Variants in UGT2B17 observed in about 807,000 individuals in gnomAD.
The protein encoded by UGT2B17 is UDP-glucuronosyltransferase 2B17.
UGT2B17 carries 21 observed loss-of-function variants against 48.2 expected under a neutral mutation model. That is an observed-to-expected ratio of 0.44 (90% CI 0.31 to 0.63). The LOEUF is 0.63. Among genes scored for constraint, UGT2B17 ranks in the 20% least tolerant of loss-of-function variants. The pLI is 0.08. For missense variants in UGT2B17, 402 were observed against 696.1 expected, an observed-to-expected ratio of 0.58 and a Z score of 4.75; for synonymous variants, 146 against 238.4, an observed-to-expected ratio of 0.61 and a Z score of 3.57.
At chr4:68,563,817 A>G (rs1731145709) in intron 3 of UGT2B17, among the ~76,000 whole-genome samples, 1 of 125,758 alleles carries the variant, frequency 8.0e-6, no homozygotes. Context: ...CCAAACTTAA[A>G]CATTTATATT....
At chr4:68,572,992 T>A (rs1731318049) in intron 1 of UGT2B17, among the ~76,000 whole-genome samples, 1 of 127,298 alleles carries the variant, frequency 7.9e-6, no homozygotes, top group African/African-American at 2.7e-5. Flanking sequence ...GCTTAGGGTG[T>A]TGCAAACTTC....
chr4:68,557,246 T>A lies in UGT2B17; in HGVS notation c.1005+3291A>T, dbSNP rs1180220843. Among the ~76,000 whole-genome samples, 7 of 125,234 alleles carry A rather than the reference T, an allele frequency of 5.6e-5. 1 individual carries two copies. Among genetic ancestry groups the A allele is most frequent in the Non-Finnish European group, 1.2e-4 (7 of 59,160 alleles). The allele number at this position is 125,234 out of a possible 152,430, so 82.2% of individuals were successfully genotyped here. On this transcript the variant is annotated intron_variant, in intron 4 of 6. Coordinates refer to ENST00000317746, the MANE Select transcript of UGT2B17 (RefSeq NM_001077.4). ...TCTTTGACTGAGGCTGCCCTAAAAC[T>A]TTTTGTCATCCACAGACAATTGTTG...
chr4:68,558,517 C>T (rs1731045276), intron 4 of UGT2B17, among the ~76,000 whole-genome samples: 1 of 126,484 alleles, frequency 7.9e-6, no homozygotes, highest in Admixed American at 8.1e-5. Context: ...GATTTATGGA[C>T]TTCAGAGTAA....
In UGT2B17 at chr4:68,551,317, AT is replaced by A. The variant is rs905072428; in HGVS notation, c.1094-422del. ...TAGTTAAAATATTTAAAATACTTAA[AT>A]TTTTTTTTAAAGGCAGCAAGGAGTA... On this transcript the variant is annotated intron_variant, in intron 5 of 6. Coordinates refer to ENST00000317746, the MANE Select transcript of UGT2B17 (RefSeq NM_001077.4). Among the ~76,000 whole-genome samples the A allele has an allele frequency of 2.0e-3, 245 of 124,436 alleles. 44 individuals carry two copies. Among genetic ancestry groups the A allele is most frequent in the African/African-American group, 6.3e-3 (230 of 36,778 alleles). The allele number at this position is 124,436 out of a possible 152,430, so 81.6% of individuals were successfully genotyped here. A position where few individuals can be genotyped will look rare whatever the true frequency, so the allele number is the denominator to read the frequency against.
rs947351743 is a variant in UGT2B17, at chr4:68,568,168, A to C, written c.317T>G (p.Phe106Cys). 10 of 1,380,404 alleles carry C rather than the reference A, an allele frequency of 7.2e-6. 3 individuals carry two copies. In the African/African-American group the frequency reaches 1.5e-4, roughly 20 times the overall value. The allele number at this position is 1,380,404 out of a possible 1,614,324, so 85.5% of individuals were successfully genotyped here. A position where few individuals can be genotyped will look rare whatever the true frequency, so the allele number is the denominator to read the frequency against. Residue 106 changes from phenylalanine (F) to cysteine (C), a missense_variant, in exon 2 of 7, where the codon TTT (phenylalanine) becomes TGT (cysteine). Phe to Cys is a radical substitution (Grantham distance 205). Around this residue, in one of 5 missense-constraint regions of UGT2B17, gnomAD observed 84 missense variants for 92.6 expected, o/e 0.91. Coordinates refer to ENST00000317746, the MANE Select transcript of UGT2B17 (RefSeq NM_001077.4). The stretch of plus-strand genomic sequence containing the variant: ...TTGTAGTTGTGAAAAATATGACCAA[A>C]ATGTATTTTTTGAAATACTATATGT... ...RWTYSISKNT[F>C]WSYFSQLQEL...
chr4:68,575,297 T>A (rs957596926), intron 1 of UGT2B17, among the ~76,000 whole-genome samples: 2 of 120,082 alleles, frequency 1.7e-5, no homozygotes, highest in African/African-American at 2.9e-5. Context: ...TAAAACCAGC[T>A]GTAACTGTCT....
intron 6 of UGT2B17, among the ~76,000 whole-genome samples, chr4:68,538,775 C>T (rs1217553635): frequency 7.9e-6 from 1 of 126,084 alleles, no homozygotes; most frequent in Non-Finnish European, 1.7e-5. Context: ...ACACAGACAC[C>T]TACTTGTCCT....
rs990241008 is a variant in UGT2B17, at chr4:68,562,813, T to A, written c.874-2145A>T. Among the ~76,000 whole-genome samples the A allele has an allele frequency of 7.1e-5, 9 of 126,492 alleles. 2 individuals are homozygous for A. The highest frequency in any genetic ancestry group is 1.5e-4 in the Non-Finnish European group (9 of 59,662). The allele number at this position is 126,492 out of a possible 152,430, so 83.0% of individuals were successfully genotyped here. A position where few individuals can be genotyped will look rare whatever the true frequency, so the allele number is the denominator to read the frequency against. ...ACATATGTGATGTTTATTTAGAAAA[T>A]TTTTTCTCATTGTATATGCCTTTTT... On this transcript the variant is annotated intron_variant, in intron 3 of 6. Transcript: ENST00000317746.
rs1277688229 is a variant in UGT2B17 at position 68,559,210 on chromosome 4, A to G, written c.1005+1327T>C. 3.2e-5 allele frequency among the ~76,000 whole-genome samples: 4 copies of G among 125,352 alleles called. 1 individual carries two copies. The highest frequency in any genetic ancestry group is 1.1e-4 in the African/African-American group (4 of 36,768). 82.2% of individuals were successfully genotyped at this position (125,352 alleles called of 152,430 possible). ...TAAGTTATTTTATGAATTTGACATC[A>G]TTGATTACAAAAGACTAAATACTTA... is the stretch of plus-strand genomic sequence containing the variant. On this transcript the variant is annotated intron_variant, in intron 4 of 6. Transcript: ENST00000317746.
intron 6 of UGT2B17, among the ~76,000 whole-genome samples, chr4:68,539,036 T>G (rs71615060): frequency 0.33 from 41,508 of 125,488 alleles, 13,502 homozygotes; most frequent in Admixed American, 0.43. Context: ...ACTGCTTCGT[T>G]CTTATTTTGC....
chr4:68,564,585 G>A lies in UGT2B17; in HGVS notation c.873+987C>T, dbSNP rs1263171606. Among the ~76,000 whole-genome samples the A allele has an allele frequency of 4.0e-5, 5 of 124,762 alleles. 2 individuals are homozygous for A. Among genetic ancestry groups the A allele is most frequent in the Admixed American group, 2.5e-4 (3 of 12,090 alleles). The allele number at this position is 124,762 out of a possible 152,430, so 81.8% of individuals were successfully genotyped here. ...ATTACAGGTGTAAGCCACCACGCCCGGCCCATCATTGACTTTTACTCAACC... is the reference window on the plus strand; with the variant it reads ...ATTACAGGTGTAAGCCACCACGCCCAGCCCATCATTGACTTTTACTCAACC... On this transcript the variant is annotated intron_variant, in intron 3 of 6. Transcript: ENST00000317746.
intron 6 of UGT2B17, among the ~76,000 whole-genome samples, chr4:68,538,955 G>A (rs1483208784): frequency 8.0e-6 from 1 of 125,238 alleles, no homozygotes; most frequent in Non-Finnish European, 1.7e-5. Flanking sequence ...TCTTTTTGAG[G>A]CTTCCCCTTA....
In UGT2B17 at chr4:68,568,169, ATGTATTT is replaced by A; in HGVS notation, c.309_315del (p.Lys103AsnfsTer21). On this transcript the variant is annotated frameshift_variant, in exon 2 of 7. Transcript: ENST00000317746. LOFTEE classifies it high-confidence loss of function. ...TGTAGTTGTGAAAAATATGACCAAAATGTATTTTTTGAAATACTATATGTCCATCTAT... is the reference window on the plus strand; with the variant it reads ...TGTAGTTGTGAAAAATATGACCAAAATTTGAAATACTATATGTCCATCTAT... The A allele has an allele frequency of 2.2e-6, 3 of 1,380,290 alleles. 1 individual carries two copies. In the South Asian group the frequency reaches 4.8e-5, roughly 22 times the overall value. 85.5% of individuals were successfully genotyped at this position (1,380,290 alleles called of 1,614,324 possible).
At chr4:68,564,495 G>A (rs1731162966) in intron 3 of UGT2B17, among the ~76,000 whole-genome samples, 1 of 120,820 alleles carries the variant, frequency 8.3e-6, no homozygotes, top group Admixed American at 8.6e-5. Context: ...CACCATGCTG[G>A]CCAGTCTGGT....
At chr4:68,553,775 C>T (rs1276779834) in intron 4 of UGT2B17, among the ~76,000 whole-genome samples, 1 of 122,376 alleles carries the variant, frequency 8.2e-6, no homozygotes, top group Non-Finnish European at 1.7e-5. Flanking sequence ...AAAGGGTCTC[C>T]TCTATTGTTT....
chr4:68,571,497 A>AAG (rs2109780144), intron 1 of UGT2B17, among the ~76,000 whole-genome samples: 1 of 126,810 alleles, frequency 7.9e-6, no homozygotes. Context: ...TTGGAACTCC[A>AAG]CCATGTGACT....
intron 6 of UGT2B17, among the ~76,000 whole-genome samples, chr4:68,549,430 T>C (rs187535515): frequency 8.1e-6 from 1 of 124,166 alleles, no homozygotes; most frequent in Admixed American, 8.3e-5. Context: ...ATCTATAACA[T>C]ATTAATAATT....
rs753724397 is a variant in UGT2B17 at position 68,551,897 on chromosome 4, A to G, written c.1020T>C (p.Phe340=). ...CTAAAGTATTTGGCTTCTTGCCATCAAATCTCCATAGAACCTGTTAGGGCA... is the reference window on the plus strand; with the variant it reads ...CTAAAGTATTTGGCTTCTTGCCATCGAATCTCCATAGAACCTGTTAGGGCA... ...AQIPQKVLWR[F]DGKKPNTLGS... is the part of the protein sequence containing the mutation. The change falls in exon 5 of 7, where the codon TTT becomes TTC. Residue 340 remains phenylalanine, a synonymous_variant. Coordinates refer to ENST00000317746, the MANE Select transcript of UGT2B17 (RefSeq NM_001077.4). 2 of 1,359,398 alleles carry G rather than the reference A, an allele frequency of 1.5e-6. 1 individual carries two copies. The highest frequency in any genetic ancestry group is 3.0e-5 in the African/African-American group (2 of 67,396). 84.2% of individuals were successfully genotyped at this position (1,359,398 alleles called of 1,614,324 possible).
intron 4 of UGT2B17, among the ~76,000 whole-genome samples, chr4:68,552,553 G>A (rs1730936485): frequency 7.9e-6 from 1 of 125,916 alleles, no homozygotes. Context: ...TGTGTCATGG[G>A]TGCACATTTT....
Sources: allele counts gnomAD v4.1 joint callset (sites outside exome capture counted in the v4.1 genomes callset), GRCh38; gene constraint gnomAD v4.1.1; regional missense constraint gnomAD v4.1.1; transcripts MANE v1.5; gene names NCBI Gene and HGNC (gene_info 2026-07-23, HGNC 2026-07-21).